The following ZBTB16 variants were observed in gnomAD, a reference collection of about 807,000 sequenced individuals.
The protein encoded by ZBTB16 is zinc finger and BTB domain-containing protein 16.
ZBTB16 carries 8 observed loss-of-function variants against 56.8 expected under a neutral mutation model. The ratio of observed to expected loss-of-function variants is 0.14; its 90% CI spans 0.08 to 0.25. ZBTB16 has a LOEUF of 0.25. Ranked by LOEUF, ZBTB16 falls within the 10% of genes least tolerant of loss-of-function variation. The probability of loss-of-function intolerance (pLI) is 1.00; values close to 1 mark genes in which losing one functional copy is unlikely to be tolerated. For synonymous variants in ZBTB16, 363 were observed against 368.5 expected (o/e 0.98, Z 0.17); for missense variants, 625 against 903.0 (o/e 0.69, Z 3.95).
intron 2 of ZBTB16, among the ~76,000 whole-genome samples, chr11:114,079,226 T>C (rs1242660618): frequency 6.6e-6 from 1 of 152,172 alleles, no homozygotes; most frequent in Non-Finnish European, 1.5e-5. Context: ...ACTTTTCTTT[T>C]GAAAATGACC....
At chr11:114,207,739 G>A (rs1303948896) in intron 4 of ZBTB16, among the ~76,000 whole-genome samples, 1 of 152,118 alleles carries the variant, frequency 6.6e-6, no homozygotes, top group Non-Finnish European at 1.5e-5. Flanking sequence ...TCGGCCTCCT[G>A]AGTAGCTGGG....
chr11:114,087,486 G>C (rs1052325497), intron 2 of ZBTB16, among the ~76,000 whole-genome samples: 6 of 152,158 alleles, frequency 3.9e-5, no homozygotes, highest in African/African-American at 1.4e-4. Flanking sequence ...TGTGGTCTCT[G>C]CCCTCTTCCC....
intron 2 of ZBTB16, among the ~76,000 whole-genome samples, chr11:114,125,646 G>A (rs1185712194): frequency 6.6e-6 from 1 of 152,056 alleles, no homozygotes; most frequent in Non-Finnish European, 1.5e-5. Context: ...GAGGTGAAAG[G>A]TGTCCTCCAA....
intron 2 of ZBTB16, among the ~76,000 whole-genome samples, chr11:114,125,076 G>A (rs563402572): frequency 6.6e-6 from 1 of 151,974 alleles, no homozygotes; most frequent in South Asian, 2.1e-4. Context: ...TCATCTGCCT[G>A]TTTTCCTTTA....
intron 3 of ZBTB16, among the ~76,000 whole-genome samples, chr11:114,186,581 T>G (rs889989633): frequency 6.6e-6 from 1 of 151,682 alleles, no homozygotes; most frequent in Non-Finnish European, 1.5e-5. Flanking sequence ...TAAAGTACAG[T>G]TTAGGCAACA....
At chr11:114,104,531 G>A (rs990706400) in intron 2 of ZBTB16, among the ~76,000 whole-genome samples, 27 of 152,184 alleles carry the variant, frequency 1.8e-4, no homozygotes, top group Non-Finnish European at 4.0e-4. Context: ...GGGCCTCTAG[G>A]GAAGAGTGGA....
chr11:114,114,181 T>A (rs940619914), intron 2 of ZBTB16, among the ~76,000 whole-genome samples: 1 of 152,238 alleles, frequency 6.6e-6, no homozygotes, highest in Non-Finnish European at 1.5e-5. Context: ...GGAGAACATG[T>A]CCCTGAGACT....
At chr11:114,121,634 G>A (rs1941350288) in intron 2 of ZBTB16, among the ~76,000 whole-genome samples, 1 of 152,132 alleles carries the variant, frequency 6.6e-6, no homozygotes, top group Non-Finnish European at 1.5e-5. Context: ...TTGCAGGTGA[G>A]GAAACTGAGG....
intron 2 of ZBTB16, among the ~76,000 whole-genome samples, chr11:114,108,860 C>T (rs1940899026): frequency 6.6e-6 from 1 of 152,236 alleles, no homozygotes; most frequent in Non-Finnish European, 1.5e-5. Flanking sequence ...GGCCTGAGCT[C>T]TTAATGCCTT....
Position 114,138,753 on chromosome 11 carries a change from C to T in ZBTB16, c.1269-17584C>T, listed in dbSNP as rs149937852. Among the ~76,000 whole-genome samples, 1,036 of 151,824 alleles carry T rather than the reference C, an allele frequency of 6.8e-3. 10 individuals carry two copies. Among genetic ancestry groups the T allele is most frequent in the African/African-American group, 0.024 (990 of 41,350 alleles). ...TTGCCCAGGCTGGAGTGCAGTGGTG[C>T]GATCTCGGATCACTGCAACCTCTGT... is the stretch of plus-strand genomic sequence containing the variant. On this transcript the variant is annotated intron_variant, in intron 2 of 6. Coordinates refer to ENST00000335953, the MANE Select transcript of ZBTB16 (RefSeq NM_006006.6).
At chr11:114,159,354 C>T (rs1942513241) in intron 3 of ZBTB16, among the ~76,000 whole-genome samples, 2 of 152,192 alleles carry the variant, frequency 1.3e-5, no homozygotes, top group Non-Finnish European at 2.9e-5. Flanking sequence ...TGATTTGTCC[C>T]TCTGCTAGTC....
chr11:114,070,124 C>T (rs1246640243), intron 2 of ZBTB16, among the ~76,000 whole-genome samples: 25 of 98,708 alleles, frequency 2.5e-4, no homozygotes, highest in African/African-American at 4.3e-4. Context: ...TTTTTTGAGA[C>T]GGAGTCTCGC....
rs535250424 is a variant in ZBTB16 at position 114,252,632 on chromosome 11, T to G, written c.*2077T>G. ...TGCTTTATGTGTAAGAGTTTTTTAT[T>G]ATTATTTTTTCTTTCCTTTCTCTCT... On this transcript the variant is annotated 3_prime_UTR_variant, in exon 7 of 7. Coordinates refer to ENST00000335953, the MANE Select transcript of ZBTB16 (RefSeq NM_006006.6). Among the ~76,000 whole-genome samples the G allele has an allele frequency of 5.9e-5, 9 of 152,180 alleles. No homozygotes were observed. The highest frequency in any genetic ancestry group is 1.3e-4 in the Non-Finnish European group (9 of 68,046).
chr11:114,162,578 A>G (rs1191451966), intron 3 of ZBTB16, among the ~76,000 whole-genome samples: 2 of 152,178 alleles, frequency 1.3e-5, no homozygotes, highest in Non-Finnish European at 2.9e-5. Flanking sequence ...TGGCCAATCC[A>G]TGCACCCTCT....
At chr11:114,245,913 T>G (rs1408205811) in intron 5 of ZBTB16, among the ~76,000 whole-genome samples, 1 of 152,188 alleles carries the variant, frequency 6.6e-6, no homozygotes, top group Non-Finnish European at 1.5e-5. Context: ...CAGCGATATT[T>G]AAATATTCAT....
Position 114,096,389 on chromosome 11 carries a change from A to G in ZBTB16, c.1268+31821A>G, listed in dbSNP as rs553807186. On this transcript the variant is annotated intron_variant, in intron 2 of 6. Coordinates refer to ENST00000335953, the MANE Select transcript of ZBTB16 (RefSeq NM_006006.6). The stretch of plus-strand genomic sequence containing the variant: ...AAGAGATACACACAAATTTTATCTT[A>G]GCATGTTAAGTTTTTAAGCCGTTGA... 1.6e-4 allele frequency among the ~76,000 whole-genome samples: 25 copies of G among 152,312 alleles called. No individual in the cohort carries two copies. The South Asian group carries it at 5.0e-3, about 30-fold the overall frequency.
At chr11:114,112,962 G>A (rs952177686) in intron 2 of ZBTB16, among the ~76,000 whole-genome samples, 1 of 151,912 alleles carries the variant, frequency 6.6e-6, no homozygotes, top group Non-Finnish European at 1.5e-5. Flanking sequence ...TCTTAGAGAT[G>A]GGATCTCACT....
At chr11:114,118,611 TA>T (rs1387570092) in intron 2 of ZBTB16, among the ~76,000 whole-genome samples, 2 of 152,228 alleles carry the variant, frequency 1.3e-5, no homozygotes, top group Non-Finnish European at 2.9e-5. Flanking sequence ...AAATATCTAT[TA>T]TGGAATCTTA....
chr11:114,155,414 C>G (rs137879495), intron 2 of ZBTB16, among the ~76,000 whole-genome samples: 1 of 152,180 alleles, frequency 6.6e-6, no homozygotes, highest in African/African-American at 2.4e-5. Context: ...TACCAGCTCC[C>G]GTGCTGGCTC....
Sources: allele counts gnomAD v4.1 joint callset (sites outside exome capture counted in the v4.1 genomes callset), GRCh38; gene constraint gnomAD v4.1.1; transcripts MANE v1.5; gene names NCBI Gene and HGNC (gene_info 2026-07-23, HGNC 2026-07-21).